The following RCAN2 variants were observed in gnomAD, a reference collection of about 807,000 sequenced individuals.
RCAN2 encodes the protein calcipressin-2.
In RCAN2, 9 loss-of-function variants were observed where a neutral mutation model predicts 23.6. The observed-to-expected ratio is 0.38, with a 90% CI of 0.23 to 0.67. The LOEUF (loss-of-function observed/expected upper bound fraction) is 0.67, where lower values mean the gene tolerates loss of function less well. RCAN2 is among the 30% of genes least tolerant of loss of function. The pLI is 0.51. For synonymous variants in RCAN2, 109 were observed against 115.7 expected (o/e 0.94, Z 0.37); for missense variants, 273 against 302.3 (o/e 0.90, Z 0.72).
chr6:46,235,962 C>T (rs1396801778), intron 4 of RCAN2, among the ~76,000 whole-genome samples: 1 of 152,194 alleles, frequency 6.6e-6, no homozygotes, highest in Non-Finnish European at 1.5e-5. Flanking sequence ...CAGTTTTCCT[C>T]ATCAATGAGA....
intron 2 of RCAN2, among the ~76,000 whole-genome samples, chr6:46,318,921 ACT>A (rs1054118868): frequency 1.3e-5 from 2 of 152,110 alleles, no homozygotes; most frequent in African/African-American, 4.8e-5. Context: ...TTGACAATTA[ACT>A]CTCCATTCTA....
intron 2 of RCAN2, 34 bp downstream of exon 2, chr6:46,456,718 C>T: frequency 1.4e-6 from 2 of 1,417,838 alleles, no homozygotes; most frequent in Non-Finnish European, 9.7e-7. Flanking sequence ...TGCCATATCT[C>T]CCCATGTTTT....
intron 2 of RCAN2, among the ~76,000 whole-genome samples, chr6:46,250,836 G>T (rs754331187): frequency 6.6e-6 from 1 of 152,122 alleles, no homozygotes; most frequent in Non-Finnish European, 1.5e-5. Flanking sequence ...GGAGTAACTC[G>T]AATGTCAGGG....
chr6:46,287,185 C>T lies in RCAN2; in HGVS notation c.226-38289G>A, dbSNP rs143356872. Among the ~76,000 whole-genome samples the T allele has an allele frequency of 7.2e-5, 11 of 152,290 alleles. No individual in the cohort carries two copies. The East Asian group carries it at 1.5e-3, about 21-fold the overall frequency. ...AAACGGAGGCTAACAGATGAGAACA[C>T]ACCTAGCACACCAAGGCCTTTGACT... On this transcript the variant is annotated intron_variant, in intron 2 of 4. Transcript: ENST00000371374.
At chr6:46,243,603 G>C (rs1766390592) in intron 4 of RCAN2, among the ~76,000 whole-genome samples, 2 of 151,998 alleles carry the variant, frequency 1.3e-5, no homozygotes, top group African/African-American at 2.4e-5. Context: ...GAGGTCAGGA[G>C]TTTGAGACCA....
In RCAN2 at chr6:46,291,263, A is replaced by G. The variant is rs147719862; in HGVS notation, c.226-42367T>C. 7.2e-3 allele frequency among the ~76,000 whole-genome samples: 1,070 copies of G among 148,310 alleles called. 13 individuals are homozygous for G. Among genetic ancestry groups the G allele is most frequent in the Non-Finnish European group, 9.9e-3 (666 of 67,482 alleles). On this transcript the variant is annotated intron_variant, in intron 2 of 4. Transcript: ENST00000371374. ...AATCCAGCTGAACTGAAAGAATTTA[A>G]ATGTTAATTCGCCAGTGTTTTTTTT... is the stretch of plus-strand genomic sequence containing the variant.
chr6:46,402,010 A>G (rs970209316), intron 2 of RCAN2, among the ~76,000 whole-genome samples: 1 of 152,216 alleles, frequency 6.6e-6, no homozygotes, highest in African/African-American at 2.4e-5. Flanking sequence ...AACACCATCG[A>G]GAGTCTGAGA....
chr6:46,230,330 G>A (rs1765836378), intron 4 of RCAN2, among the ~76,000 whole-genome samples: 1 of 152,216 alleles, frequency 6.6e-6, no homozygotes, highest in East Asian at 1.9e-4. Context: ...CAAGTCTGAA[G>A]AAGTTTCTGC....
chr6:46,298,846 C>T (rs1038535829), intron 2 of RCAN2, among the ~76,000 whole-genome samples: 5 of 151,998 alleles, frequency 3.3e-5, no homozygotes, highest in Non-Finnish European at 5.9e-5. Flanking sequence ...AGCAAAGACA[C>T]GTAATCAACC....
intron 2 of RCAN2, among the ~76,000 whole-genome samples, chr6:46,375,145 A>T (rs1458368369): frequency 6.6e-6 from 1 of 152,168 alleles, no homozygotes; most frequent in Non-Finnish European, 1.5e-5. Flanking sequence ...GGGTTTCACC[A>T]TGTTGGCCAG....
chr6:46,274,005 C>G (rs1767607279), intron 2 of RCAN2, among the ~76,000 whole-genome samples: 1 of 152,108 alleles, frequency 6.6e-6, no homozygotes, highest in Non-Finnish European at 1.5e-5. Context: ...GAGGAGTCAG[C>G]TGAATGGAGC....
intron 1 of RCAN2, among the ~76,000 whole-genome samples, chr6:46,470,780 G>A (rs1436546735): frequency 6.6e-6 from 1 of 152,230 alleles, no homozygotes; most frequent in African/African-American, 2.4e-5. Context: ...ATAAGGGTAT[G>A]AGTCTTAAAA....
At chr6:46,236,467 C>G (rs868751890) in intron 4 of RCAN2, among the ~76,000 whole-genome samples, 1 of 151,560 alleles carries the variant, frequency 6.6e-6, no homozygotes, top group South Asian at 2.1e-4. Context: ...ATAGAAACAC[C>G]CATTTATAAT....
chr6:46,460,217 T>C (rs1534366), intron 1 of RCAN2, among the ~76,000 whole-genome samples: 70,683 of 151,332 alleles, frequency 0.47, 17,072 homozygotes, highest in East Asian at 0.53. Flanking sequence ...CACCACCATA[T>C]CTGGCTAATT....
At chr6:46,328,798 A>G (rs1561861064) in intron 2 of RCAN2, among the ~76,000 whole-genome samples, 1 of 152,176 alleles carries the variant, frequency 6.6e-6, no homozygotes, top group Admixed American at 6.5e-5. Flanking sequence ...TTTAGAAGAG[A>G]TGGGGTTTCA....
chr6:46,238,834 G>C (rs932552023), intron 4 of RCAN2, among the ~76,000 whole-genome samples: 3 of 152,192 alleles, frequency 2.0e-5, no homozygotes, highest in Non-Finnish European at 4.4e-5. Flanking sequence ...ATTTATAGGG[G>C]TGAGCCACCA....
intron 3 of RCAN2, among the ~76,000 whole-genome samples, chr6:46,247,823 G>A (rs2799367): frequency 0.8 from 121,114 of 152,198 alleles, 48,453 homozygotes; most frequent in Non-Finnish European, 0.81. Context: ...GTGTGTACAT[G>A]TATTTTTTTG....
intron 2 of RCAN2, among the ~76,000 whole-genome samples, chr6:46,398,929 T>C (rs1470461220): frequency 6.7e-6 from 1 of 150,250 alleles, no homozygotes; most frequent in African/African-American, 2.5e-5. Flanking sequence ...TATATATACA[T>C]ATATATACAT....
chr6:46,443,760 G>A (rs971249821), intron 2 of RCAN2, among the ~76,000 whole-genome samples: 1 of 152,156 alleles, frequency 6.6e-6, no homozygotes, highest in Non-Finnish European at 1.5e-5. Flanking sequence ...CATTGCTGCT[G>A]AATCACCTGA....
Sources: gnomAD v4.1 joint callset for allele counts (sites outside exome capture counted in the v4.1 genomes callset) on GRCh38, gnomAD v4.1.1 for gene constraint, MANE v1.5 for transcripts, NCBI Gene and HGNC (gene_info 2026-07-23, HGNC 2026-07-21) for gene names.